The following KCNH6 variants were observed in gnomAD, a reference collection of about 807,000 sequenced individuals.
KCNH6 encodes voltage-gated inwardly rectifying potassium channel KCNH6.
Under a neutral mutation model 83.4 loss-of-function variants are expected in KCNH6, and 81 were observed. That is an observed-to-expected ratio of 0.97 (90% CI 0.81 to 1.17). The LOEUF is 1.17. Ranked by LOEUF, KCNH6 falls within the 50% of genes most tolerant of loss-of-function variation. The probability of loss-of-function intolerance (pLI) is 0.00; values close to 1 mark genes in which losing one functional copy is unlikely to be tolerated. For missense variants in KCNH6, 1,203 were observed against 1,290.5 expected, an observed-to-expected ratio of 0.93 and a Z score of 1.04; for synonymous variants, 503 against 545.6, an observed-to-expected ratio of 0.92 and a Z score of 1.09.
At position 63,534,228 on chromosome 17, in the gene KCNH6, C is replaced by G; in HGVS notation, c.1018C>G (p.His340Asp). 1 of 1,614,158 alleles carries G rather than the reference C, an allele frequency of 6.2e-7. No individual in the cohort carries two copies. Among genetic ancestry groups the G allele is most frequent in the Non-Finnish European group, 8.5e-7 (1 of 1,180,010 alleles). The change falls in exon 5 of 13, where the codon CAC becomes GAC. Residue 340 changes from histidine to aspartate, a missense_variant. By Grantham distance (81) the His-to-Asp change is moderately conservative. Transcript: ENST00000314672. The surrounding 1 kb of genome is among the most constrained non-coding windows in gnomAD (Gnocchi z 5.0). ...VVSHPRRIAV[H>D]YFKGWFLIDM... is the part of the protein sequence containing the mutation. ...CAGCCACCCCCGCCGCATCGCCGTCCACTACTTCAAGGGCTGGTTCCTCAT... is the reference window on the plus strand; with the variant it reads ...CAGCCACCCCCGCCGCATCGCCGTCGACTACTTCAAGGGCTGGTTCCTCAT...
downstream of KCNH6, chr17:63,548,680 G>A (rs797022100): frequency 2.4e-4 from 36 of 152,110 alleles, no homozygotes; most frequent in African/African-American, 8.2e-4. Flanking sequence ...TCCTCCCCCC[G>A]TTAGTTCCTA....
intron 8 of KCNH6, 88 bp from the exon 9 acceptor site, chr17:63,542,153 C>T (rs1433351804): frequency 2.2e-5 from 31 of 1,390,752 alleles, no homozygotes; most frequent in Non-Finnish European, 2.9e-5. Flanking sequence ...GAAGGATGTC[C>T]GAGGTTGGGG....
At position 63,532,583 on chromosome 17, in the gene KCNH6, G is replaced by A. The variant is rs574954398; in HGVS notation, c.676-1303G>A. Among the ~76,000 whole-genome samples, 5 of 152,312 alleles carry A rather than the reference G, an allele frequency of 3.3e-5. No individual in the cohort carries two copies. In the East Asian group the frequency reaches 7.7e-4, roughly 24 times the overall value. On this transcript the variant is annotated intron_variant, in intron 4 of 12. Transcript: ENST00000314672. ...GAGGTGAGGCCTCAAGGCTGAGCAG[G>A]TCACTGCAGGGTGGGGACATGGTAG...
downstream of KCNH6, among the ~76,000 whole-genome samples, chr17:63,547,530 C>T (rs904146699): frequency 6.8e-5 from 2 of 29,328 alleles, no homozygotes; most frequent in African/African-American, 2.5e-4. Context: ...CCTTCTTTAA[C>T]ATCGTTCTTT....
At position 63,536,072 on chromosome 17, in the gene KCNH6, A is replaced by AGCAT. The variant is rs1211560624; in HGVS notation, c.1501+5_1501+6insCATG. 6.2e-7 allele frequency: 1 copy of AGCAT among 1,611,826 alleles called. No homozygotes were observed. Among genetic ancestry groups the AGCAT allele is most frequent in the Non-Finnish European group, 8.5e-7 (1 of 1,179,112 alleles). ...ATCTGCGTCATGCTCATCGGCTGTG[A>AGCAT]GTGAGACCTCATGCCACGGCCTAAC... On this transcript the variant is annotated splice_donor_region_variant and intron_variant, in intron 6 of 12. Coordinates refer to ENST00000314672, the MANE Select transcript of KCNH6 (RefSeq NM_001278919.2).
At position 63,545,589 on chromosome 17, in the gene KCNH6, C is replaced by T. The variant is rs1040290308; in HGVS notation, c.2584-20C>T. On this transcript the variant is annotated intron_variant, in intron 12 of 12. Transcript: ENST00000314672. ...CCGCAGCCTGGCCTGGGGTGCATCCCTCTTTCTTGCTCCTCCCAGACCCCA... is the reference window on the plus strand; with the variant it reads ...CCGCAGCCTGGCCTGGGGTGCATCCTTCTTTCTTGCTCCTCCCAGACCCCA... 2 of 1,603,718 alleles carry T rather than the reference C, an allele frequency of 1.2e-6. No individual in the cohort carries two copies. The highest frequency in any genetic ancestry group is 2.7e-5 in the African/African-American group (2 of 74,666).
intron 6 of KCNH6, among the ~76,000 whole-genome samples, chr17:63,537,427 T>C (rs902198940): frequency 5.3e-5 from 8 of 152,066 alleles, no homozygotes; most frequent in African/African-American, 1.9e-4. Flanking sequence ...AGTTTGCTCT[T>C]TTTTGTTGTT....
In KCNH6 at chr17:63,523,394, G is replaced by A. The variant is rs1227948573; in HGVS notation, c.-20G>A. The A allele has an allele frequency of 2.8e-5, 45 of 1,583,870 alleles. No homozygotes were observed. The highest frequency in any genetic ancestry group is 3.8e-5 in the Non-Finnish European group (44 of 1,167,642). Reference sequence around the variant, plus strand: ...GAGCCAGTGGCGCCTGTGGCTCCGGGCAGGGGCCGCGGCCGAAAGATGCCG... The same window carrying A: ...GAGCCAGTGGCGCCTGTGGCTCCGGACAGGGGCCGCGGCCGAAAGATGCCG... On this transcript the variant is annotated 5_prime_UTR_variant, in exon 1 of 13. Coordinates refer to ENST00000314672, the MANE Select transcript of KCNH6 (RefSeq NM_001278919.2). This position sits in a 1 kb window ranked among gnomAD's most constrained non-coding sequence, Gnocchi z 4.2.
chr17:63,537,870 C>T (rs1458390353), intron 6 of KCNH6, among the ~76,000 whole-genome samples, 195 bp from the exon 7 acceptor site: 1 of 152,212 alleles, frequency 6.6e-6, no homozygotes, highest in Non-Finnish European at 1.5e-5. Context: ...AGGCACAGGA[C>T]AGAGGGAGGA....
In KCNH6 at chr17:63,530,427, A is replaced by G. The variant is rs971371788; in HGVS notation, c.560A>G (p.Asn187Ser). 1.2e-6 allele frequency: 2 copies of G among 1,614,086 alleles called. No individual in the cohort carries two copies. Among genetic ancestry groups the G allele is most frequent in the African/African-American group, 2.7e-5 (2 of 74,942 alleles). Residue 187 changes from asparagine (N) to serine (S), a missense_variant, in exon 4 of 13, where the codon AAC (asparagine) becomes AGC (serine). Asn to Ser is a conservative substitution (Grantham distance 46). Coordinates refer to ENST00000314672, the MANE Select transcript of KCNH6 (RefSeq NM_001278919.2). ...AGCCAGATCCCACAGTTCACGCTCA[A>G]CTTCGTGGAGTTCAACTTGGAGAAG... ...TISQIPQFTL[N>S]FVEFNLEKHR... is the part of the protein sequence containing the mutation.
Position 63,542,435 on chromosome 17 carries a change from G to T in KCNH6, c.2148+1G>T. On this transcript the variant is annotated splice_donor_variant, in intron 9 of 12. Transcript: ENST00000314672. LOFTEE classifies it high-confidence loss of function. ...GGAGGTCACCTTCAACCTGCGGGAC[G>T]TGAGTCAGGGCCAGGTGGGCCAGGG... The T allele has an allele frequency of 6.2e-7, 1 of 1,613,596 alleles. No homozygotes were observed. The highest frequency in any genetic ancestry group is 2.2e-5 in the East Asian group (1 of 44,854).
At chr17:63,543,050 G>A (rs1307561340) in intron 9 of KCNH6, among the ~76,000 whole-genome samples, 1 of 152,242 alleles carries the variant, frequency 6.6e-6, no homozygotes, top group East Asian at 1.9e-4. Flanking sequence ...GACCGACCTG[G>A]GAATGCCCAG....
intron 4 of KCNH6, among the ~76,000 whole-genome samples, chr17:63,532,363 G>A (rs1356619607): frequency 6.6e-6 from 1 of 152,216 alleles, no homozygotes; most frequent in Admixed American, 6.5e-5. Flanking sequence ...GCTCATTCAA[G>A]GACCTGCAGT....
chr17:63,540,505 G>A (rs2032797568), intron 8 of KCNH6, among the ~76,000 whole-genome samples: 1 of 152,002 alleles, frequency 6.6e-6, no homozygotes, highest in African/African-American at 2.4e-5. Flanking sequence ...TCCAATTTAA[G>A]TTTCAGTTAG....
intron 6 of KCNH6, 105 bp from the exon 7 acceptor site, chr17:63,537,960 G>T (rs2032603879): frequency 9.0e-7 from 1 of 1,112,074 alleles, no homozygotes; most frequent in East Asian, 2.6e-5. Flanking sequence ...CTGGACAGAG[G>T]GGTCCTTCAC....
intron 2 of KCNH6, among the ~76,000 whole-genome samples, chr17:63,525,969 C>A (rs560374817): frequency 6.6e-6 from 1 of 152,278 alleles, no homozygotes; most frequent in South Asian, 2.1e-4. Flanking sequence ...TATACCTGAT[C>A]CCAGATTCCT....
At position 63,534,309 on chromosome 17, in the gene KCNH6, G is replaced by A. The variant is rs762042525; in HGVS notation, c.1099G>A (p.Glu367Lys). 3.1e-6 allele frequency: 5 copies of A among 1,607,712 alleles called. 1 individual carries two copies. The highest frequency in any genetic ancestry group is 2.6e-6 in the Non-Finnish European group (3 of 1,176,468). Residue 367 changes from glutamate to lysine, a missense_variant and splice_region_variant, in exon 5 of 13, where the codon GAG becomes AAG. Physicochemically the swap from Glu to Lys is moderately conservative, Grantham distance 56. Coordinates refer to ENST00000314672, the MANE Select transcript of KCNH6 (RefSeq NM_001278919.2). The surrounding 1 kb of genome is among the most constrained non-coding windows in gnomAD (Gnocchi z 5.0). ...DLLIFRTGSDETTTLIGLLKT... is the reference protein window; with the variant it reads ...DLLIFRTGSDKTTTLIGLLKT... Reference sequence around the variant, plus strand: ...CCTGATCTTCCGCACTGGCTCCGATGAGGTGAGCAGACCCCCTCCAGGCCA... The same window carrying A: ...CCTGATCTTCCGCACTGGCTCCGATAAGGTGAGCAGACCCCCTCCAGGCCA...
intron 2 of KCNH6, among the ~76,000 whole-genome samples, chr17:63,524,977 TC>T (rs1158108085): frequency 6.6e-6 from 1 of 151,884 alleles, no homozygotes; most frequent in Non-Finnish European, 1.5e-5. Flanking sequence ...TTGGAAATCC[TC>T]CCCCACCCCC....
At chr17:63,539,368 C>T (rs923040188) in intron 8 of KCNH6, among the ~76,000 whole-genome samples, 21 of 152,146 alleles carry the variant, frequency 1.4e-4, no homozygotes, top group African/African-American at 4.8e-4. Context: ...GTGATCTGCT[C>T]TCCTCGCCCC....
Sources: gnomAD v4.1 joint callset for allele counts (sites outside exome capture counted in the v4.1 genomes callset) on GRCh38, gnomAD v4.1.1 for gene constraint, Gnocchi (gnomAD v3.1) non-coding constraint, MANE v1.5 for transcripts, NCBI Gene and HGNC (gene_info 2026-07-23, HGNC 2026-07-21) for gene names.